The following SLC17A1 variants were observed in gnomAD, a reference collection of about 807,000 sequenced individuals.
SLC17A1 encodes sodium-dependent phosphate transport protein 1.
SLC17A1 carries 51 observed loss-of-function variants against 53.5 expected under a neutral mutation model. That is an observed-to-expected ratio of 0.95 (90% CI 0.76 to 1.20). The LOEUF is 1.20. Among genes scored for constraint, SLC17A1 ranks in the 50% most tolerant of loss-of-function variants. SLC17A1 has a pLI of 0.00. For missense variants in SLC17A1, 538 were observed against 568.2 expected (o/e 0.95, Z 0.54); for synonymous variants, 179 against 198.8 (o/e 0.90, Z 0.84).
At chr6:25,797,268 T>C (rs1763621096) in intron 12 of SLC17A1, among the ~76,000 whole-genome samples, 6 of 152,204 alleles carry the variant, frequency 3.9e-5, no homozygotes, top group Admixed American at 3.3e-4. Context: ...GTATTCTCTC[T>C]CTCTTGATTT....
At chr6:25,789,529 T>C (rs911195818) in intron 12 of SLC17A1, among the ~76,000 whole-genome samples, 1 of 152,162 alleles carries the variant, frequency 6.6e-6, no homozygotes, top group Admixed American at 6.5e-5. Context: ...CAAAACCTGA[T>C]AGGCCCCACC....
At chr6:25,744,409 C>A in the SLC17A1 span, among the ~76,000 whole-genome samples, 1 of 152,164 alleles carries the variant, frequency 6.6e-6, no homozygotes, top group African/African-American at 2.4e-5. Flanking sequence ...TCTCTATAAG[C>A]AGTCACAGAG....
intron 10 of SLC17A1, among the ~76,000 whole-genome samples, chr6:25,807,384 A>C (rs1390463785): frequency 6.6e-6 from 1 of 152,164 alleles, no homozygotes; most frequent in Non-Finnish European, 1.5e-5. Context: ...CATCTTTTGC[A>C]GTAACTTGGA....
chr6:25,776,835 C>T, the SLC17A1 span: 9 of 1,613,974 alleles, frequency 5.6e-6, no homozygotes, highest in South Asian at 7.7e-5. Flanking sequence ...ATCCGTGATC[C>T]TCGTGTCCCT....
the SLC17A1 span, among the ~76,000 whole-genome samples, chr6:25,757,418 G>C: frequency 6.6e-6 from 1 of 151,966 alleles, no homozygotes; most frequent in Non-Finnish European, 1.5e-5. Flanking sequence ...TAACTTCTCT[G>C]ATCATTGTCA....
chr6:25,759,265 A>G, the SLC17A1 span, among the ~76,000 whole-genome samples: 2 of 152,126 alleles, frequency 1.3e-5, no homozygotes, highest in African/African-American at 2.4e-5. Flanking sequence ...AATAGAATGT[A>G]TATTCTGCAG....
At chr6:25,735,660 A>G in the SLC17A1 span, among the ~76,000 whole-genome samples, 2 of 152,228 alleles carry the variant, frequency 1.3e-5, no homozygotes. Flanking sequence ...ACCAAGAGCT[A>G]AAACAAAAGT....
intron 6 of SLC17A1, among the ~76,000 whole-genome samples, chr6:25,816,843 A>C (rs868004120): frequency 6.9e-6 from 1 of 144,080 alleles, no homozygotes; most frequent in Non-Finnish European, 1.5e-5. Context: ...CAGGATGGCC[A>C]GGCCATTTTT....
chr6:25,818,676 T>G (rs1764443313), intron 6 of SLC17A1, among the ~76,000 whole-genome samples: 1 of 152,228 alleles, frequency 6.6e-6, no homozygotes, highest in Admixed American at 6.5e-5. Context: ...CAGATTTCAT[T>G]TTTTACTGTA....
rs1168994999 is a variant in SLC17A1 at position 25,814,983 on chromosome 6, TCACACAAACACACACACACACA to T, written c.617-1792_617-1771del. 3.3e-4 allele frequency among the ~76,000 whole-genome samples: 47 copies of T among 140,486 alleles called. No homozygotes were observed. In the East Asian group the frequency reaches 7.1e-3, roughly 21 times the overall value. The allele number at this position is 140,486 out of a possible 152,430, so 92.2% of individuals were successfully genotyped here. ...GCTGGCCGACAAAAGCAAGACTCTG[TCACACAAACACACACACACACA>T]CACACACACACACACACACACACAC... On this transcript the variant is annotated intron_variant, in intron 6 of 12. Transcript: ENST00000244527.
At chr6:25,773,239 AATCCATCCAGTGCTAACTGG>A in the SLC17A1 span, 4 of 1,516,640 alleles carry the variant, frequency 2.6e-6, no homozygotes, top group Non-Finnish European at 3.7e-6. Flanking sequence ...GAAGTACTTC[AATCCATCCAGTGCTAACTGG>A]ATCCCCTTTT....
chr6:25,768,442 ATAGAT>A, the SLC17A1 span: 1 of 946,790 alleles, frequency 1.1e-6, no homozygotes, highest in Non-Finnish European at 1.3e-6. Context: ...TTGTGTAAGC[ATAGAT>A]TATAGTATTA....
the SLC17A1 span, chr6:25,726,351 G>GA: frequency 2.5e-6 from 4 of 1,614,110 alleles, no homozygotes; most frequent in Non-Finnish European, 8.5e-7. Flanking sequence ...TTTCTGCTGT[G>GA]AGATACTCTA....
the SLC17A1 span, chr6:25,732,225 T>C: frequency 3.0e-6 from 1 of 333,986 alleles, no homozygotes; most frequent in Non-Finnish European, 5.6e-6. Context: ...AAGCGTGATA[T>C]TTATAGGCAT....
At position 25,800,928 on chromosome 6, in the gene SLC17A1, GTCC is replaced by G. The variant is rs772312084; in HGVS notation, c.1228_1230del (p.Gly410del). On this transcript the variant is annotated inframe_deletion, in exon 11 of 13. Coordinates refer to ENST00000244527, the MANE Select transcript of SLC17A1 (RefSeq NM_005074.5). ...AATCCAGTCAAAGTGGAAGCAATTA[GTCC>G]TCCTATCATTCCAGTTAAAGTTGAA... 1.9e-6 allele frequency: 3 copies of G among 1,610,134 alleles called. No homozygotes were observed. The highest frequency in any genetic ancestry group is 2.5e-6 in the Non-Finnish European group (3 of 1,176,610).
chr6:25,727,785 C>T, the SLC17A1 span, among the ~76,000 whole-genome samples: 2 of 151,832 alleles, frequency 1.3e-5, no homozygotes, highest in African/African-American at 4.8e-5. Flanking sequence ...TTGCAGAGGT[C>T]GAGGCTGGCG....
the SLC17A1 span, among the ~76,000 whole-genome samples, chr6:25,769,447 A>G: frequency 6.6e-6 from 1 of 151,888 alleles, no homozygotes; most frequent in African/African-American, 2.4e-5. Context: ...AATCCCAGCT[A>G]CTCTGGAGGC....
chr6:25,802,392 A>G (rs1429426913), intron 10 of SLC17A1, among the ~76,000 whole-genome samples: 1 of 152,138 alleles, frequency 6.6e-6, no homozygotes, highest in African/African-American at 2.4e-5. Flanking sequence ...TGCAAATTCA[A>G]TTATATTAGA....
the SLC17A1 span, among the ~76,000 whole-genome samples, chr6:25,774,637 CA>C: frequency 6.6e-6 from 1 of 152,170 alleles, no homozygotes; most frequent in Non-Finnish European, 1.5e-5. Flanking sequence ...CAGTGCTAAG[CA>C]ACAGACTTCC....
Sources: gnomAD v4.1 joint callset for allele counts (sites outside exome capture counted in the v4.1 genomes callset) on GRCh38, gnomAD v4.1.1 for gene constraint, MANE v1.5 for transcripts, NCBI Gene and HGNC (gene_info 2026-07-23, HGNC 2026-07-21) for gene names.